Variants in DAAM2 observed in about 807,000 individuals in gnomAD.
DAAM2 encodes the protein dishevelled associated activator of morphogenesis 2, also known as disheveled-associated activator of morphogenesis 2.
DAAM2 carries 39 observed loss-of-function variants against 120.7 expected under a neutral mutation model. The ratio of observed to expected loss-of-function variants is 0.32; its 90% CI spans 0.25 to 0.42. DAAM2 has a LOEUF of 0.42. DAAM2 is among the 10% of genes least tolerant of loss of function. DAAM2 has a pLI of 1.00. For synonymous variants in DAAM2, 488 were observed against 524.9 expected (o/e 0.93, Z 0.96); for missense variants, 1,283 against 1,401.7 (o/e 0.92, Z 1.35).
At chr6:39,823,449 G>A (rs1224814215) in intron 1 of DAAM2, among the ~76,000 whole-genome samples, 1 of 152,176 alleles carries the variant, frequency 6.6e-6, no homozygotes, top group African/African-American at 2.4e-5. Flanking sequence ...CAGGAAAAAC[G>A]AAGACTCTTG....
intron 1 of DAAM2, among the ~76,000 whole-genome samples, chr6:39,814,439 C>T (rs542690355): frequency 6.6e-6 from 1 of 152,256 alleles, no homozygotes; most frequent in African/African-American, 2.4e-5. Context: ...GCTCTGATGC[C>T]TTTGTTGGGG....
At chr6:39,850,599 A>G (rs1438651814) in intron 1 of DAAM2, among the ~76,000 whole-genome samples, 4 of 152,208 alleles carry the variant, frequency 2.6e-5, no homozygotes, top group African/African-American at 7.2e-5. Flanking sequence ...CCTCAAACGT[A>G]GCCCTTTCAC....
chr6:39,801,352 TC>T (rs1761856946), intron 1 of DAAM2, among the ~76,000 whole-genome samples: 1 of 152,106 alleles, frequency 6.6e-6, no homozygotes, highest in African/African-American at 2.4e-5. Flanking sequence ...TTGCTTTTGT[TC>T]CCCAACCCCA....
rs968688576 is a variant in DAAM2, at chr6:39,902,064, C to CGGGAGACA, written c.*32_*39dup. ...CTGGGGAACTAGCCACACAGGAGGC[C>CGGGAGACA]GGGAGACAGGGACTGGTGAGAATGG... On this transcript the variant is annotated 3_prime_UTR_variant, in exon 25 of 25. Coordinates refer to ENST00000274867, the MANE Select transcript of DAAM2 (RefSeq NM_001201427.2). The CGGGAGACA allele has an allele frequency of 5.1e-6, 8 of 1,563,698 alleles. No individual in the cohort carries two copies. Among genetic ancestry groups the CGGGAGACA allele is most frequent in the Non-Finnish European group, 7.0e-6 (8 of 1,145,538 alleles).
intron 4 of DAAM2, 138 bp downstream of exon 4, chr6:39,864,645 C>A: frequency 1.4e-6 from 1 of 693,880 alleles, no homozygotes; most frequent in Non-Finnish European, 2.4e-6. Flanking sequence ...CACTGGAGTT[C>A]AGCAGCTTTC....
chr6:39,890,688 A>C (rs565864500), intron 17 of DAAM2, among the ~76,000 whole-genome samples: 60 of 152,344 alleles, frequency 3.9e-4, no homozygotes, highest in African/African-American at 1.4e-3. Context: ...AGATTTGACA[A>C]AAATCACTGA....
intron 1 of DAAM2, among the ~76,000 whole-genome samples, chr6:39,804,557 C>T (rs1450002440): frequency 1.6e-5 from 2 of 122,478 alleles, no homozygotes; most frequent in East Asian, 2.4e-4. Flanking sequence ...TGTGTGTATG[C>T]ATGCATGCGC....
chr6:39,891,727 G>A lies in DAAM2; in HGVS notation c.2341+5G>A, dbSNP rs560919653. ...AGGCAAAGCCCAAAGTGGAAGGTAG[G>A]GCTGAGGGTTGCAGGAGGCTTAGAG... On this transcript the variant is annotated splice_donor_5th_base_variant and intron_variant, in intron 19 of 24. Coordinates refer to ENST00000274867, the MANE Select transcript of DAAM2 (RefSeq NM_001201427.2). 69 of 1,596,148 alleles carry A rather than the reference G, an allele frequency of 4.3e-5. No homozygotes were observed. The highest frequency in any genetic ancestry group is 5.3e-5 in the Non-Finnish European group (62 of 1,171,218).
At chr6:39,866,365 T>A (rs958791187) in intron 5 of DAAM2, among the ~76,000 whole-genome samples, 9 of 152,176 alleles carry the variant, frequency 5.9e-5, no homozygotes, top group Non-Finnish European at 1.0e-4. Flanking sequence ...TAGAAAAAAG[T>A]AAAAAAATAG....
rs570288723 is a variant in DAAM2, at chr6:39,796,591, T to C, written c.-57+4126T>C. On this transcript the variant is annotated intron_variant, in intron 1 of 24. Coordinates refer to ENST00000274867, the MANE Select transcript of DAAM2 (RefSeq NM_001201427.2). ...ATCAGACTATGGTTATTAATAGGTG[T>C]TATGGGTTTCTTTCTGGGGTCCCCC... Among the ~76,000 whole-genome samples the C allele has an allele frequency of 2.9e-4, 42 of 146,354 alleles. 1 individual carries two copies. Among genetic ancestry groups the C allele is most frequent in the Admixed American group, 2.7e-3 (39 of 14,406 alleles).
In DAAM2 at chr6:39,864,338, A is replaced by C. The variant is rs1021194442; in HGVS notation, c.259-95A>C. The C allele has an allele frequency of 1.1e-5, 10 of 931,342 alleles. No individual in the cohort carries two copies. In the African/African-American group the frequency reaches 1.5e-4, roughly 14 times the overall value. The allele number at this position is 931,342 out of a possible 1,614,324, so 57.7% of individuals were successfully genotyped here. On this transcript the variant is annotated intron_variant, in intron 3 of 24. Transcript: ENST00000274867. Reference sequence around the variant, plus strand: ...CCACCCGACATGGGCAGAGCTGAGAAATGAATCCCTCTGCTGACACGGAAT... The same window carrying C: ...CCACCCGACATGGGCAGAGCTGAGACATGAATCCCTCTGCTGACACGGAAT...
chr6:39,793,857 T>C (rs900568487), intron 1 of DAAM2, among the ~76,000 whole-genome samples: 1 of 152,186 alleles, frequency 6.6e-6, no homozygotes, highest in African/African-American at 2.4e-5. Flanking sequence ...AGCTTTGAGC[T>C]AGCCAGGTCT....
At chr6:39,819,332 C>T (rs944579057) in intron 1 of DAAM2, 1 of 152,142 alleles carries the variant, frequency 6.6e-6, no homozygotes, top group African/African-American at 2.4e-5. Context: ...TCCATCTGGG[C>T]AAACCTAGTC....
rs372793457 is a variant in DAAM2 at position 39,867,812 on chromosome 6, A to G, written c.731A>G (p.Gln244Arg). 1.9e-5 allele frequency: 31 copies of G among 1,607,662 alleles called. No homozygotes were observed. The highest frequency in any genetic ancestry group is 2.3e-5 in the Non-Finnish European group (27 of 1,177,478). ...KKVLQAMLHY[Q>R]VYAAERTRFQ... ...GTGCTGCAGGCCATGCTGCACTACC[A>G]GGTGTATGCAGCAGAGCGAACCCGC... Residue 244 changes from glutamine (Q) to arginine (R), a missense_variant, in exon 6 of 25, where the codon CAG becomes CGG. Around this residue, in one of 3 missense-constraint regions of DAAM2, gnomAD observed 338 missense variants for 443.9 expected, o/e 0.76. Coordinates refer to ENST00000274867, the MANE Select transcript of DAAM2 (RefSeq NM_001201427.2).
At chr6:39,808,942 G>C (rs534373200) in intron 1 of DAAM2, among the ~76,000 whole-genome samples, 49 of 152,230 alleles carry the variant, frequency 3.2e-4, no homozygotes, top group Non-Finnish European at 6.2e-4. Flanking sequence ...TCATGGGAGC[G>C]TGGTTTCTCT....
chr6:39,867,036 T>A (rs888300354), intron 5 of DAAM2, among the ~76,000 whole-genome samples: 1 of 152,236 alleles, frequency 6.6e-6, no homozygotes, highest in Non-Finnish European at 1.5e-5. Flanking sequence ...GTTTTAATGT[T>A]TTTTTGCTAA....
At chr6:39,809,987 C>T (rs1350636436) in intron 1 of DAAM2, among the ~76,000 whole-genome samples, 1 of 152,184 alleles carries the variant, frequency 6.6e-6, no homozygotes, top group African/African-American at 2.4e-5. Context: ...TCTTTGTGCT[C>T]ATTGCTTCAT....
intron 1 of DAAM2, chr6:39,822,774 A>G (rs759514883): frequency 2.0e-5 from 3 of 152,240 alleles, no homozygotes; most frequent in Non-Finnish European, 4.4e-5. Flanking sequence ...TGTTCAACAA[A>G]GTTGAATTGC....
chr6:39,830,853 A>G (rs983347615), intron 1 of DAAM2, among the ~76,000 whole-genome samples: 4 of 152,218 alleles, frequency 2.6e-5, no homozygotes, highest in African/African-American at 9.6e-5. Context: ...AGTCCGGACC[A>G]GCTTTGCATG....
Sources: gnomAD v4.1 joint callset for allele counts (sites outside exome capture counted in the v4.1 genomes callset) on GRCh38, gnomAD v4.1.1 for gene constraint, gnomAD v4.1.1 regional missense constraint, MANE v1.5 for transcripts, NCBI Gene and HGNC (gene_info 2026-07-23, HGNC 2026-07-21) for gene names.